WNK3: variants seen among roughly 807,000 people sequenced by gnomAD.
WNK3 encodes WNK lysine deficient protein kinase 3.
Under a neutral mutation model 116.7 loss-of-function variants are expected in WNK3, and 18 were observed. The ratio of observed to expected loss-of-function variants is 0.15; its 90% confidence interval spans 0.11 to 0.23. The LOEUF (loss-of-function observed/expected upper bound fraction) is 0.23. WNK3 is among the 10% of genes least tolerant of loss of function. WNK3 has a pLI of 1.00. For missense variants in WNK3, 993 were observed against 1,323.8 expected, an observed-to-expected ratio of 0.75 and a Z score of 3.88; for synonymous variants, 404 against 469.4, an observed-to-expected ratio of 0.86 and a Z score of 1.80.
chrX:54,297,946 T>A (rs962410947), intron 7 of WNK3, among the ~76,000 whole-genome samples: 2 of 109,052 alleles, frequency 1.8e-5, no homozygotes, highest in Non-Finnish European at 3.8e-5. Context: ...GGTGGCGGGC[T>A]CCTGTAGTCC....
chrX:54,267,865 T>C (rs782383910), intron 10 of WNK3, among the ~76,000 whole-genome samples: 8 of 110,602 alleles, frequency 7.2e-5, no homozygotes, highest in African/African-American at 2.6e-4. Flanking sequence ...AGAGTTGCTA[T>C]TTGTTGAGAT....
At position 54,288,036 on chromosome X, in the gene WNK3, G is replaced by A. The variant is rs180938380; in HGVS notation, c.2037+4852C>T. 8.9e-5 allele frequency among the ~76,000 whole-genome samples: 10 copies of A among 111,943 alleles called. No homozygotes were observed. In the East Asian group the frequency reaches 2.0e-3, roughly 22 times the overall value. ...GGCTATCCCAGAGCTTTGATAGAGG[G>A]TCTGCTGTTGTAATTGTGGCTCTGA... On this transcript the variant is annotated intron_variant, in intron 10 of 23. Coordinates refer to ENST00000354646, the Ensembl canonical transcript of WNK3.
At chrX:54,222,763 A>G (rs1002305619) in intron 22 of WNK3, among the ~76,000 whole-genome samples, 5 of 102,894 alleles carry the variant, frequency 4.9e-5, no homozygotes, top group Middle Eastern at 5.2e-3. Context: ...TGTAGTCCCA[A>G]CTACTTGGGA....
intron 10 of WNK3, among the ~76,000 whole-genome samples, chrX:54,280,023 C>T (rs960952374): frequency 5.3e-5 from 6 of 112,412 alleles, no homozygotes; most frequent in African/African-American, 1.3e-4. Context: ...CTAGGCCGGG[C>T]GTAGTGGCTC....
chrX:54,258,648 T>C (rs782364412), intron 11 of WNK3, among the ~76,000 whole-genome samples: 1 of 110,408 alleles, frequency 9.1e-6, no homozygotes, highest in African/African-American at 3.3e-5. Context: ...ACAATAATTT[T>C]AGAGCAGCTA....
intron 22 of WNK3, among the ~76,000 whole-genome samples, chrX:54,218,198 G>C (rs1557145795): frequency 9.0e-6 from 1 of 111,376 alleles, no homozygotes; most frequent in African/African-American, 3.3e-5. Flanking sequence ...CATATATGGA[G>C]GGCTGACATT....
intron 10 of WNK3, among the ~76,000 whole-genome samples, chrX:54,278,608 G>A (rs1306587276): frequency 9.1e-6 from 1 of 110,469 alleles, no homozygotes; most frequent in Non-Finnish European, 1.9e-5. Flanking sequence ...ACTGATTTTT[G>A]ACAGAAATAT....
In WNK3 at chrX:54,333,458, G is replaced by A. The variant is rs782604526; in HGVS notation, c.216C>T (p.Ala72=). 2.6e-5 allele frequency: 31 copies of A among 1,209,024 alleles called. No homozygotes were observed. The Middle Eastern group carries it at 9.2e-4, about 36-fold the overall frequency. ...TTCTCTCATCTTTGGGGGATGATTC[G>A]GCAACTTTGTCATCTTCCGTCATTT... is the stretch of plus-strand genomic sequence containing the variant. Residue 72 remains alanine (A), a synonymous_variant, in exon 2 of 24, where the codon GCC becomes GCT. Coordinates refer to ENST00000354646, the Ensembl canonical transcript of WNK3.
At chrX:54,296,886 G>A (rs1459808408) in intron 7 of WNK3, among the ~76,000 whole-genome samples, 2 of 110,671 alleles carry the variant, frequency 1.8e-5, no homozygotes, top group Admixed American at 1.9e-4. Context: ...TTGAGAGTGG[G>A]GGCTGGTCAC....
At chrX:54,353,095 T>C (rs2069540194) in intron 1 of WNK3, among the ~76,000 whole-genome samples, 1 of 111,902 alleles carries the variant, frequency 8.9e-6, no homozygotes, top group Non-Finnish European at 1.9e-5. Flanking sequence ...AGAATTTCCT[T>C]TTGAGGTGGT....
At chrX:54,253,938 A>G in intron 13 of WNK3, 21 bp downstream of exon 13, 1 of 1,018,788 alleles carries the variant, frequency 9.8e-7, no homozygotes, top group Non-Finnish European at 1.4e-6. Context: ...AGGGAAGATA[A>G]TTTGGTCTTA....
At chrX:54,225,184 G>A in intron 22 of WNK3, among the ~76,000 whole-genome samples, 1 of 109,172 alleles carries the variant, frequency 9.2e-6, no homozygotes, top group South Asian at 4.1e-4. Flanking sequence ...CCAGGAGGTT[G>A]AGGCTGCAGT....
intron 2 of WNK3, 100 bp from the exon 3 acceptor site, chrX:54,311,391 G>A: frequency 1.6e-6 from 1 of 611,353 alleles, no homozygotes; most frequent in South Asian, 3.0e-5. Flanking sequence ...ATGCATGGAT[G>A]TGTATATTTA....
At chrX:54,213,415 G>A (rs781993188) in intron 22 of WNK3, among the ~76,000 whole-genome samples, 8 of 107,611 alleles carry the variant, frequency 7.4e-5, no homozygotes, top group African/African-American at 2.1e-4. Context: ...TTAGCTGGGC[G>A]AAGTGGTGGG....
intron 15 of WNK3, 72 bp downstream of exon 15, chrX:54,251,327 T>G: frequency 1.5e-6 from 1 of 679,492 alleles, no homozygotes; most frequent in Non-Finnish European, 2.2e-6. Context: ...TCTTTCCCAA[T>G]GAAGGTGTGT....
intron 20 of WNK3, among the ~76,000 whole-genome samples, chrX:54,236,489 C>CA (rs2067963350): frequency 9.0e-6 from 1 of 110,756 alleles, no homozygotes; most frequent in African/African-American, 3.3e-5. Flanking sequence ...ATTCTATTGA[C>CA]AAAATATATT....
chrX:54,318,490 G>C (rs1336632640), intron 2 of WNK3, among the ~76,000 whole-genome samples: 2 of 110,915 alleles, frequency 1.8e-5, no homozygotes, highest in Admixed American at 9.7e-5. Flanking sequence ...CCAGTACTTA[G>C]GGAGGCTAGG....
intron 2 of WNK3, among the ~76,000 whole-genome samples, chrX:54,321,029 TG>T (rs1410587271): frequency 9.1e-5 from 10 of 110,359 alleles, no homozygotes; most frequent in African/African-American, 2.3e-4. Flanking sequence ...TCTGAGTAGC[TG>T]GGATTACAGG....
intron 2 of WNK3, among the ~76,000 whole-genome samples, chrX:54,311,954 C>A (rs895624604): frequency 9.0e-6 from 1 of 110,904 alleles, no homozygotes; most frequent in Admixed American, 9.8e-5. Context: ...AGACAGTACA[C>A]CACCCCATAC....
Sources: allele counts gnomAD v4.1 joint callset (sites outside exome capture counted in the v4.1 genomes callset), GRCh38; gene constraint gnomAD v4.1.1; transcripts MANE v1.5; gene names NCBI Gene and HGNC (gene_info 2026-07-23, HGNC 2026-07-21).